The following KLHL30 variants were observed in gnomAD, a reference collection of about 807,000 sequenced individuals.
The protein encoded by KLHL30 is kelch like family member 30, also known as kelch-like protein 30.
KLHL30 carries 55 observed loss-of-function variants against 55.0 expected under a neutral mutation model. The observed-to-expected ratio is 1.00, with a 90% CI of 0.80 to 1.25. The LOEUF (loss-of-function observed/expected upper bound fraction) is 1.25. Among genes scored for constraint, KLHL30 ranks in the 50% most tolerant of loss-of-function variants. KLHL30 has a pLI of 0.00. For synonymous variants in KLHL30, 356 were observed against 372.6 expected, an observed-to-expected ratio of 0.96 and a Z score of 0.51; for missense variants, 786 against 811.6, an observed-to-expected ratio of 0.97 and a Z score of 0.38.
intron 1 of KLHL30, 135 bp from the exon 2 acceptor site, chr2:238,140,550 T>G: frequency 5.6e-6 from 3 of 536,776 alleles, no homozygotes; most frequent in East Asian, 3.2e-5. Context: ...AGATGGGGGG[T>G]AAAGTGACTG....
At chr2:238,145,604 C>A in intron 4 of KLHL30, 73 bp from the exon 5 acceptor site, 1 of 1,508,466 alleles carries the variant, frequency 6.6e-7, no homozygotes, top group Non-Finnish European at 9.0e-7. Flanking sequence ...GGTCCCTGGA[C>A]ATTGGTATCC....
chr2:238,140,770 G>A lies in KLHL30; in HGVS notation c.16G>A (p.Asp6Asn). The A allele has an allele frequency of 1.3e-6, 2 of 1,543,132 alleles. No homozygotes were observed. Among genetic ancestry groups the A allele is most frequent in the Non-Finnish European group, 1.8e-6 (2 of 1,139,602 alleles). The change falls in exon 2 of 8, where the codon GAT (aspartate) becomes AAT (asparagine). Residue 6 changes from aspartate to asparagine, a missense_variant. Coordinates refer to ENST00000409223, the MANE Select transcript of KLHL30 (RefSeq NM_198582.4). The part of the protein sequence containing the change: MVRNV[D>N]DLDFHLPSHA... ...GCACGGCGTCATGGTGCGGAACGTG[G>A]ATGACCTGGATTTCCACCTGCCCTC...
rs139939651 is a variant in KLHL30, at chr2:238,143,917, T to A, written c.908-985T>A. On this transcript the variant is annotated intron_variant, in intron 3 of 7. Transcript: ENST00000409223. The stretch of plus-strand genomic sequence containing the variant: ...TCCCAGGGAGGCCTGGAATTCCGCA[T>A]CTCCCAAAAATGGTCATAAATAGTA... Among the ~76,000 whole-genome samples the A allele has an allele frequency of 2.0e-5, 3 of 152,280 alleles. No homozygotes were observed. In the East Asian group the frequency reaches 5.8e-4, roughly 29 times the overall value.
chr2:238,148,870 G>C, intron 6 of KLHL30, 137 bp from the exon 7 acceptor site: 1 of 827,472 alleles, frequency 1.2e-6, no homozygotes. Flanking sequence ...GCACCGCAGG[G>C]ACCTACTCCC....
rs1280156954 is a variant in KLHL30, at chr2:238,147,428, G to A, written c.1151-406G>A. Among the ~76,000 whole-genome samples the A allele has an allele frequency of 1.3e-5, 2 of 152,152 alleles. No individual in the cohort carries two copies. The highest frequency in any genetic ancestry group is 2.9e-5 in the Non-Finnish European group (2 of 68,008). Reference sequence around the variant, plus strand: ...ACACCCAGATTGTATCTGGGACTGGGAGGGAGCTGCCTACAGCTCCAGGGT... The same window carrying A: ...ACACCCAGATTGTATCTGGGACTGGAAGGGAGCTGCCTACAGCTCCAGGGT... On this transcript the variant is annotated intron_variant, in intron 5 of 7. Coordinates refer to ENST00000409223, the MANE Select transcript of KLHL30 (RefSeq NM_198582.4). This position sits in a 1 kb window ranked among gnomAD's most constrained non-coding sequence, Gnocchi z 5.8.
rs1023370134 is a variant in KLHL30, at chr2:238,141,339, C to A, written c.585C>A (p.Ser195Arg). ...TGCTGCAGGTACAGCCGGAGCAAAG[C>A]CGACTCGAGGCCCTGATGCGCTGGG... ...GDLLQVQPEQ[S>R]RLEALMRWVR... is the part of the protein sequence containing the mutation. The change falls in exon 2 of 8, where the codon AGC becomes AGA. Residue 195 changes from serine (S) to arginine (R), a missense_variant. Coordinates refer to ENST00000409223, the MANE Select transcript of KLHL30 (RefSeq NM_198582.4). The A allele has an allele frequency of 1.9e-6, 3 of 1,596,114 alleles. No individual in the cohort carries two copies. The African/African-American group carries it at 4.0e-5, about 21-fold the overall frequency.
rs1005227899 is a variant in KLHL30 at position 238,151,308 on chromosome 2, G to T, written c.*243G>T. 2 of 592,694 alleles carry T rather than the reference G, an allele frequency of 3.4e-6. No individual in the cohort carries two copies. Among genetic ancestry groups the T allele is most frequent in the East Asian group, 5.8e-5 (2 of 34,770 alleles). The allele number at this position is 592,694 out of a possible 1,614,324, so 36.7% of individuals were successfully genotyped here. On this transcript the variant is annotated 3_prime_UTR_variant, in exon 8 of 8. Transcript: ENST00000409223. ...CTGAGTGCCAGACGCTGGCATAACA[G>T]GGACAGGAAGCTCTGCTGCCCCTGG...
intron 3 of KLHL30, 25 bp downstream of exon 3, chr2:238,142,956 C>T: frequency 3.3e-6 from 5 of 1,501,854 alleles, no homozygotes; most frequent in Non-Finnish European, 2.6e-6. Context: ...CGCGTCCAGA[C>T]CCACCTGCTG....
In KLHL30 at chr2:238,141,417, A is replaced by G. The variant is rs750103157; in HGVS notation, c.663A>G (p.Leu221=). Residue 221 remains leucine (L), a synonymous_variant, in exon 2 of 8, where the codon CTA becomes CTG. Coordinates refer to ENST00000409223, the MANE Select transcript of KLHL30 (RefSeq NM_198582.4). ...RAAHLPELLS[L]VHLDAVPRPC... is the part of the protein sequence containing the mutation. ...CCCACCTGCCCGAGCTGCTCAGCCTAGTGCACCTGGACGCCGTGCCCAGGC... is the reference window on the plus strand; with the variant it reads ...CCCACCTGCCCGAGCTGCTCAGCCTGGTGCACCTGGACGCCGTGCCCAGGC... The G allele has an allele frequency of 6.3e-7, 1 of 1,575,240 alleles. No homozygotes were observed. The highest frequency in any genetic ancestry group is 1.1e-5 in the South Asian group (1 of 87,756).
chr2:238,145,949 G>A, intron 5 of KLHL30, 117 bp downstream of exon 5: 1 of 1,208,554 alleles, frequency 8.3e-7, no homozygotes, highest in Admixed American at 2.8e-5. Flanking sequence ...CGCTCCCACT[G>A]CCACCCTCAG....
rs1170409786 is a variant in KLHL30 at position 238,152,720 on chromosome 2, G to T, written c.*1655G>T. ...TCTGGGTGCTACCAAAGGAACAAGAGCCCAGAGCTGAGGAGACCTTCGGTG... is the reference window on the plus strand; with the variant it reads ...TCTGGGTGCTACCAAAGGAACAAGATCCCAGAGCTGAGGAGACCTTCGGTG... On this transcript the variant is annotated 3_prime_UTR_variant, in exon 8 of 8. Coordinates refer to ENST00000409223, the MANE Select transcript of KLHL30 (RefSeq NM_198582.4). 6.6e-6 allele frequency: 1 copy of T among 152,084 alleles called. No homozygotes were observed. Among genetic ancestry groups the T allele is most frequent in the Non-Finnish European group, 1.5e-5 (1 of 68,044 alleles). 9.4% of individuals were successfully genotyped at this position (152,084 alleles called of 1,614,324 possible). A position where few individuals can be genotyped will look rare whatever the true frequency, so the allele number is the denominator to read the frequency against.
chr2:238,149,072 C>T lies in KLHL30; in HGVS notation c.1405C>T (p.Leu469=). 1 of 1,613,358 alleles carries T rather than the reference C, an allele frequency of 6.2e-7. No individual in the cohort carries two copies. Among genetic ancestry groups the T allele is most frequent in the Non-Finnish European group, 8.5e-7 (1 of 1,179,868 alleles). The change falls in exon 7 of 8, where the codon CTG becomes TTG. Residue 469 remains leucine (L), a synonymous_variant. Transcript: ENST00000409223. ...CCTGTCCTCGCCTCGCTGTGCTGCA[C>T]TGCACGGGGAGCTCTACCTCATTGG... is the stretch of plus-strand genomic sequence containing the variant. ...KYLSSPRCAA[L]HGELYLIGDN...
intron 6 of KLHL30, among the ~76,000 whole-genome samples, chr2:238,148,640 G>C (rs2106314175): frequency 6.6e-6 from 1 of 152,084 alleles, no homozygotes; most frequent in African/African-American, 2.4e-5. Context: ...CCAGGCCCGG[G>C]GTTGGGGGCT....
intron 1 of KLHL30, among the ~76,000 whole-genome samples, 155 bp downstream of exon 1, chr2:238,138,913 G>C (rs1052092257): frequency 9.2e-5 from 14 of 152,196 alleles, no homozygotes; most frequent in Non-Finnish European, 1.5e-4. Context: ...GCCAAGCCAG[G>C]CTCCTCAGGG....
chr2:238,143,004 C>T, intron 3 of KLHL30, 73 bp downstream of exon 3: 1 of 1,431,076 alleles, frequency 7.0e-7, no homozygotes, highest in Non-Finnish European at 9.1e-7. Context: ...GTCCTCCTTG[C>T]AGGTGGAGCG....
intron 5 of KLHL30, among the ~76,000 whole-genome samples, chr2:238,146,548 A>G (rs1692651359): frequency 6.6e-6 from 1 of 150,772 alleles, no homozygotes; most frequent in Admixed American, 6.6e-5. Context: ...GTAGGACCCC[A>G]GGTGCATGCC....
Position 238,141,543 on chromosome 2 carries a change from G to T in KLHL30, c.774+15G>T. ...GCCATGATGGGGTGAGTGAGCGGCT[G>T]GGAGGCCCCATCCCTGGGAAGCAGG... is the stretch of plus-strand genomic sequence containing the variant. On this transcript the variant is annotated intron_variant, in intron 2 of 7. Coordinates refer to ENST00000409223, the MANE Select transcript of KLHL30 (RefSeq NM_198582.4). 7.0e-7 allele frequency: 1 copy of T among 1,435,290 alleles called. No individual in the cohort carries two copies. Among genetic ancestry groups the T allele is most frequent in the South Asian group, 1.5e-5 (1 of 67,736 alleles). The allele number at this position is 1,435,290 out of a possible 1,614,324, so 88.9% of individuals were successfully genotyped here.
At chr2:238,144,418 G>GGAAGGAAGGAAGGAAGGAAGGAAT (rs1692603949) in intron 3 of KLHL30, among the ~76,000 whole-genome samples, 6 of 117,226 alleles carry the variant, frequency 5.1e-5, no homozygotes, top group African/African-American at 1.6e-4. Flanking sequence ...AAGGAAGGAA[G>GGAAGGAAGGAAGGAAGGAAGGAAT]GAAGGAAGGA....
At chr2:238,144,428 AAGGAAGGCAGGCAGGC>A (rs1437997005) in intron 3 of KLHL30, among the ~76,000 whole-genome samples, 262 of 76,858 alleles carry the variant, frequency 3.4e-3, no homozygotes, top group African/African-American at 8.6e-3. Context: ...GGAAGGAAGG[AAGGAAGGCAGGCAGGC>A]AGGCAGGCAG....
Sources: allele counts gnomAD v4.1 joint callset (sites outside exome capture counted in the v4.1 genomes callset), GRCh38; gene constraint gnomAD v4.1.1; non-coding constraint Gnocchi (gnomAD v3.1); transcripts MANE v1.5; gene names NCBI Gene and HGNC (gene_info 2026-07-23, HGNC 2026-07-21).